Variants in SGCZ observed in about 807,000 individuals in gnomAD.
SGCZ encodes sarcoglycan zeta.
A neutral mutation model predicts 41.3 loss-of-function variants in SGCZ; 40 were observed. The observed-to-expected ratio is 0.97, with a 90% CI of 0.75 to 1.26. The LOEUF (loss-of-function observed/expected upper bound fraction) is 1.26. Among genes scored for constraint, SGCZ ranks in the 50% most tolerant of loss-of-function variants. SGCZ has a pLI of 0.00. For synonymous variants in SGCZ, 206 were observed against 137.5 expected (o/e 1.50, Z -3.49); for missense variants, 552 against 369.8 (o/e 1.49, Z -4.04).
intron 1 of SGCZ, among the ~76,000 whole-genome samples, chr8:15,219,726 G>C (rs916624767): frequency 3.3e-5 from 5 of 152,154 alleles, no homozygotes; most frequent in African/African-American, 1.2e-4. Flanking sequence ...GAGATTTTGT[G>C]CCAGGCATAC....
At chr8:14,406,366 G>C (rs1398026025) in intron 2 of SGCZ, among the ~76,000 whole-genome samples, 1 of 152,040 alleles carries the variant, frequency 6.6e-6, no homozygotes, top group African/African-American at 2.4e-5. Flanking sequence ...ACAGATGGCT[G>C]AAATTTTTTA....
intron 6 of SGCZ, among the ~76,000 whole-genome samples, chr8:14,107,367 G>C (rs948935527): frequency 6.6e-6 from 1 of 152,050 alleles, no homozygotes; most frequent in Non-Finnish European, 1.5e-5. Flanking sequence ...TTCCTGGGTA[G>C]TGAGAGCTTT....
chr8:14,321,379 T>C (rs117973005), intron 3 of SGCZ, among the ~76,000 whole-genome samples: 2,421 of 152,132 alleles, frequency 0.016, 19 homozygotes, highest in Middle Eastern at 0.048. Context: ...CTGTAGATAT[T>C]TAGCGATGGA....
intron 1 of SGCZ, among the ~76,000 whole-genome samples, chr8:14,946,091 G>A (rs1213170768): frequency 2.6e-5 from 3 of 115,546 alleles, no homozygotes; most frequent in African/African-American, 6.7e-5. Context: ...TGTCCTATAG[G>A]GGCTATCTCT....
At chr8:14,459,759 T>C (rs562785012) in intron 2 of SGCZ, among the ~76,000 whole-genome samples, 4 of 152,154 alleles carry the variant, frequency 2.6e-5, no homozygotes, top group South Asian at 2.1e-4. Context: ...AACACTACTA[T>C]GGTATTCTCA....
intron 1 of SGCZ, among the ~76,000 whole-genome samples, chr8:14,996,391 T>C (rs1006101520): frequency 6.6e-6 from 1 of 152,168 alleles, no homozygotes; most frequent in Admixed American, 6.6e-5. Flanking sequence ...AGCCTGATGA[T>C]ATTTTATTTT....
At chr8:14,990,568 A>G (rs528179025) in intron 1 of SGCZ, among the ~76,000 whole-genome samples, 10 of 152,060 alleles carry the variant, frequency 6.6e-5, no homozygotes, top group South Asian at 6.2e-4. Context: ...CCAATGCCCA[A>G]TGATTTGTCA....
chr8:15,099,436 C>T (rs867324534), intron 1 of SGCZ, among the ~76,000 whole-genome samples: 4 of 152,102 alleles, frequency 2.6e-5, no homozygotes, highest in Non-Finnish European at 5.9e-5. Context: ...TGGAGGAATA[C>T]ATCCTTTGAA....
intron 1 of SGCZ, among the ~76,000 whole-genome samples, chr8:14,976,183 G>A (rs564965930): frequency 1.3e-5 from 2 of 151,684 alleles, no homozygotes; most frequent in East Asian, 2.0e-4. Flanking sequence ...CACCACACCC[G>A]GCTAATTTTT....
chr8:15,172,167 T>TA (rs1445609095), intron 1 of SGCZ, among the ~76,000 whole-genome samples: 5 of 132,408 alleles, frequency 3.8e-5, no homozygotes, highest in African/African-American at 5.8e-5. Context: ...TTTTTTTTTT[T>TA]TTTTTTTTTT....
chr8:14,801,032 A>G (rs1045620270), intron 1 of SGCZ, among the ~76,000 whole-genome samples: 1 of 152,220 alleles, frequency 6.6e-6, no homozygotes, highest in Non-Finnish European at 1.5e-5. Context: ...TATAATTTCA[A>G]TTATGAGTGT....
chr8:14,486,203 C>G (rs1015494618), intron 2 of SGCZ, among the ~76,000 whole-genome samples: 1 of 152,108 alleles, frequency 6.6e-6, no homozygotes, highest in Non-Finnish European at 1.5e-5. Flanking sequence ...TTTTAAAGAT[C>G]AAACTTGCCT....
intron 2 of SGCZ, among the ~76,000 whole-genome samples, chr8:14,369,667 T>G (rs1386917573): frequency 4.6e-5 from 7 of 152,064 alleles, no homozygotes; most frequent in Admixed American, 4.6e-4. Context: ...TAATGATTGT[T>G]CTTTTAATTA....
Position 14,090,415 on chromosome 8 carries a change from A to G in SGCZ, c.*28T>C, listed in dbSNP as rs774430038. On this transcript the variant is annotated 3_prime_UTR_variant, in exon 8 of 8. Transcript: ENST00000382080. ...AGCAGACGGACAGGAACAAAAGGCTATTCTGGTGTGAGGAGAAATCAGTCA... is the reference window on the plus strand; with the variant it reads ...AGCAGACGGACAGGAACAAAAGGCTGTTCTGGTGTGAGGAGAAATCAGTCA... 1.4e-5 allele frequency: 22 copies of G among 1,603,378 alleles called. No homozygotes were observed. The Admixed American group carries it at 3.6e-4, about 26-fold the overall frequency.
At chr8:14,711,004 A>T (rs1027100524) in intron 1 of SGCZ, among the ~76,000 whole-genome samples, 1 of 152,210 alleles carries the variant, frequency 6.6e-6, no homozygotes, top group Admixed American at 6.5e-5. Flanking sequence ...TTGTTTTCAT[A>T]GGACGTATGA....
intron 5 of SGCZ, among the ~76,000 whole-genome samples, chr8:14,152,694 G>C (rs1803748852): frequency 6.6e-6 from 1 of 151,840 alleles, no homozygotes; most frequent in Non-Finnish European, 1.5e-5. Flanking sequence ...CTCAGATAAA[G>C]AAAAAAAATT....
chr8:15,076,507 T>C (rs1805535725), intron 1 of SGCZ, among the ~76,000 whole-genome samples: 1 of 152,164 alleles, frequency 6.6e-6, no homozygotes, highest in South Asian at 2.1e-4. Context: ...GTAATTTCAA[T>C]TCAGTCTGAA....
chr8:14,131,622 T>G (rs1451689697), intron 5 of SGCZ, among the ~76,000 whole-genome samples: 3 of 152,318 alleles, frequency 2.0e-5, no homozygotes, highest in African/African-American at 4.8e-5. Context: ...ATCTTTCAGT[T>G]TATCCTACAT....
At chr8:14,807,216 G>A (rs1801566869) in intron 1 of SGCZ, among the ~76,000 whole-genome samples, 1 of 152,024 alleles carries the variant, frequency 6.6e-6, no homozygotes. Context: ...CATAGTGTTG[G>A]AAGTTCTGGC....
Sources: allele counts gnomAD v4.1 joint callset (sites outside exome capture counted in the v4.1 genomes callset), GRCh38; gene constraint gnomAD v4.1.1; transcripts MANE v1.5; gene names NCBI Gene and HGNC (gene_info 2026-07-23, HGNC 2026-07-21).